LYST: variants seen among roughly 807,000 people sequenced by gnomAD.
LYST encodes lysosomal trafficking regulator.
Under a neutral mutation model 413.6 loss-of-function variants are expected in LYST, and 192 were observed. The ratio of observed to expected loss-of-function variants is 0.46; its 90% confidence interval spans 0.41 to 0.52. LYST has a LOEUF of 0.52. Among genes scored for constraint, LYST ranks in the 20% least tolerant of loss-of-function variants. The pLI, the probability that LYST is intolerant of heterozygous loss-of-function variation, is 0.00. For synonymous variants in LYST, 1,525 were observed against 1,567.3 expected (o/e 0.97, Z 0.64); for missense variants, 3,815 against 4,499.9 (o/e 0.85, Z 4.35).
intron 9 of LYST, among the ~76,000 whole-genome samples, chr1:235,800,604 A>C (rs1224991680): frequency 6.6e-6 from 1 of 152,212 alleles, no homozygotes; most frequent in Non-Finnish European, 1.5e-5. Flanking sequence ...TTAAAATTAA[A>C]TGCATTTTTA....
At chr1:235,778,657 G>T (rs1415852679) in intron 16 of LYST, among the ~76,000 whole-genome samples, 1 of 152,044 alleles carries the variant, frequency 6.6e-6, no homozygotes, top group East Asian at 1.9e-4. Context: ...AAAGTGCTGG[G>T]ATTACAAGCA....
chr1:235,783,922 C>G (rs1243312343), intron 14 of LYST, among the ~76,000 whole-genome samples: 1 of 151,374 alleles, frequency 6.6e-6, no homozygotes, highest in Non-Finnish European at 1.5e-5. Context: ...CTCTGTCACC[C>G]AGGCTGAAGT....
At chr1:235,788,155 TTTTA>T (rs969294381) in intron 13 of LYST, among the ~76,000 whole-genome samples, 38 of 152,062 alleles carry the variant, frequency 2.5e-4, no homozygotes, top group African/African-American at 7.5e-4. Flanking sequence ...TATTTTTTGT[TTTTA>T]TTTATTTATT....
intron 47 of LYST, 152 bp downstream of exon 47, chr1:235,693,198 T>G: frequency 1.6e-6 from 1 of 613,036 alleles, no homozygotes; most frequent in South Asian, 1.9e-5. Context: ...GTGCCTGTAG[T>G]CCCAGCTACT....
At position 235,730,872 on chromosome 1, in the gene LYST, C is replaced by T; in HGVS notation, c.9019G>A (p.Asp3007Asn). The T allele has an allele frequency of 1.9e-6, 3 of 1,612,704 alleles. No individual in the cohort carries two copies. The highest frequency in any genetic ancestry group is 2.5e-6 in the Non-Finnish European group (3 of 1,178,812). The change falls in exon 36 of 53, where the codon GAC becomes AAC. Residue 3007 changes from aspartate to asparagine, a missense_variant. This residue lies in a region of LYST where 866 missense variants were observed against 1,156.0 expected (regional missense o/e 0.75). Coordinates refer to ENST00000389793, the MANE Select transcript of LYST (RefSeq NM_000081.4). ...THSSFSSTVKDKAASESIRVN... is the reference protein window; with the variant it reads ...THSSFSSTVKNKAASESIRVN... ...CTTATAGATTCACTTGCAGCTTTGTCTTTGACAGTAGAAGAGAAAGAAGAA... is the reference window on the plus strand; with the variant it reads ...CTTATAGATTCACTTGCAGCTTTGTTTTTGACAGTAGAAGAGAAAGAAGAA...
intron 44 of LYST, among the ~76,000 whole-genome samples, chr1:235,703,236 G>A (rs1415825414): frequency 6.6e-6 from 1 of 152,078 alleles, no homozygotes; most frequent in African/African-American, 2.4e-5. Context: ...TAAGATCTGA[G>A]AATATCATAT....
intron 1 of LYST, among the ~76,000 whole-genome samples, chr1:235,881,471 C>A (rs1681372332): frequency 6.6e-6 from 1 of 152,178 alleles, no homozygotes; most frequent in South Asian, 2.1e-4. Flanking sequence ...AATTCCACTT[C>A]CGGTACATAT....
intron 3 of LYST, among the ~76,000 whole-genome samples, chr1:235,815,605 A>G (rs1424075582): frequency 6.6e-6 from 1 of 152,210 alleles, no homozygotes; most frequent in Non-Finnish European, 1.5e-5. Context: ...TACAAAATCA[A>G]TGTACAGAAA....
Position 235,759,002 on chromosome 1 carries a change from G to A in LYST, c.6851C>T (p.Pro2284Leu). The A allele has an allele frequency of 6.2e-7, 1 of 1,613,980 alleles. No individual in the cohort carries two copies. Among genetic ancestry groups the A allele is most frequent in the South Asian group, 1.1e-5 (1 of 91,058 alleles). ...ENFAYSLGYE[P>L]NYNRTASAHS... is the part of the protein sequence containing the mutation. ...AGCACTTGCAGTTCGGTTGTAATTT[G>A]GCTCATAACCAAGAGAATAGGCAAA... is the stretch of plus-strand genomic sequence containing the variant. Residue 2284 changes from proline to leucine, a missense_variant, in exon 23 of 53, where the codon CCA becomes CTA. Transcript: ENST00000389793.
intron 52 of LYST, among the ~76,000 whole-genome samples, chr1:235,663,566 A>G (rs1249184566): frequency 6.6e-6 from 1 of 152,240 alleles, no homozygotes; most frequent in Non-Finnish European, 1.5e-5. Flanking sequence ...CATTTAATTT[A>G]ATAAAGTAAA....
chr1:235,770,793 AAAT>A (rs1210637977), intron 19 of LYST, among the ~76,000 whole-genome samples: 1 of 152,216 alleles, frequency 6.6e-6, no homozygotes, highest in Non-Finnish European at 1.5e-5. Context: ...TTTCAAGTTC[AAAT>A]AATAGAATTA....
In LYST at chr1:235,710,498, C is replaced by A. The variant is rs542097967; in HGVS notation, c.9926-1190G>T. ...CCAACTTTCAGGTGTTCTGAGGGAA[C>A]ATCTGACTCCTGACCCAAAGCAGAC... On this transcript the variant is annotated intron_variant, in intron 43 of 52. Transcript: ENST00000389793. Among the ~76,000 whole-genome samples the A allele has an allele frequency of 5.3e-5, 8 of 152,274 alleles. No homozygotes were observed. In the South Asian group the frequency reaches 1.7e-3, roughly 32 times the overall value.
At chr1:235,712,909 G>T in intron 42 of LYST, 1 of 985,128 alleles carries the variant, frequency 1.0e-6, no homozygotes. Context: ...GAAAGGCCTA[G>T]AATATTAAAT....
At chr1:235,823,958 G>A (rs1340051660) in intron 3 of LYST, among the ~76,000 whole-genome samples, 1 of 152,182 alleles carries the variant, frequency 6.6e-6, no homozygotes, top group African/African-American at 2.4e-5. Context: ...GCCATAGTAG[G>A]TACTTAATGG....
Position 235,662,738 on chromosome 1 carries a change from A to G in LYST, c.*202T>C, listed in dbSNP as rs562813638. ...CTAGTGCATATTGACACAATCTTCC[A>G]GATTATCACTAAAATAGAACAGAAC... is the stretch of plus-strand genomic sequence containing the variant. On this transcript the variant is annotated 3_prime_UTR_variant, in exon 53 of 53. Transcript: ENST00000389793. 2 of 641,336 alleles carry G rather than the reference A, an allele frequency of 3.1e-6. No homozygotes were observed. Among genetic ancestry groups the G allele is most frequent in the Non-Finnish European group, 2.8e-6 (1 of 352,284 alleles). 39.7% of individuals were successfully genotyped at this position (641,336 alleles called of 1,614,324 possible).
At chr1:235,698,304 T>A (rs549963709) in intron 45 of LYST, among the ~76,000 whole-genome samples, 70 of 152,026 alleles carry the variant, frequency 4.6e-4, no homozygotes, top group African/African-American at 1.6e-3. Flanking sequence ...TCCAAATAAA[T>A]GAAAAAAAAG....
chr1:235,851,936 A>T (rs1163987958), intron 1 of LYST, among the ~76,000 whole-genome samples: 1 of 152,200 alleles, frequency 6.6e-6, no homozygotes, highest in Non-Finnish European at 1.5e-5. Context: ...AAGACAAATC[A>T]TGATCCCATA....
intron 46 of LYST, among the ~76,000 whole-genome samples, chr1:235,694,760 C>A (rs1412109330): frequency 6.6e-6 from 1 of 152,114 alleles, no homozygotes; most frequent in African/African-American, 2.4e-5. Context: ...CTCTCAAAAT[C>A]TGCCATGATG....
intron 20 of LYST, among the ~76,000 whole-genome samples, chr1:235,766,479 C>A (rs558691816): frequency 3.3e-5 from 5 of 152,204 alleles, no homozygotes; most frequent in African/African-American, 1.2e-4. Flanking sequence ...AATTCATTAA[C>A]ACAGATGGCA....
Sources: allele counts gnomAD v4.1 joint callset (sites outside exome capture counted in the v4.1 genomes callset), GRCh38; gene constraint gnomAD v4.1.1; regional missense constraint gnomAD v4.1.1; transcripts MANE v1.5; gene names NCBI Gene and HGNC (gene_info 2026-07-23, HGNC 2026-07-21).